Variants in BLNK observed in about 807,000 individuals in gnomAD.
The protein encoded by BLNK is B-cell linker protein.
A neutral mutation model predicts 73.5 loss-of-function variants in BLNK; 29 were observed. The ratio of observed to expected loss-of-function variants is 0.39; its 90% confidence interval spans 0.29 to 0.54. The LOEUF (loss-of-function observed/expected upper bound fraction) is 0.54. Among genes scored for constraint, BLNK ranks in the 20% least tolerant of loss-of-function variants. BLNK has a pLI of 0.61. For synonymous variants in BLNK, 176 were observed against 200.8 expected (o/e 0.88, Z 1.04); for missense variants, 460 against 562.8 (o/e 0.82, Z 1.85).
At chr10:96,219,064 C>A (rs587603384) in intron 6 of BLNK, among the ~76,000 whole-genome samples, 1 of 152,276 alleles carries the variant, frequency 6.6e-6, no homozygotes, top group Non-Finnish European at 1.5e-5. Flanking sequence ...CAGAGGTGGG[C>A]ACTTGCTCCT....
At chr10:96,225,977 C>T (rs1045766785) in intron 5 of BLNK, among the ~76,000 whole-genome samples, 4 of 152,144 alleles carry the variant, frequency 2.6e-5, no homozygotes, top group Admixed American at 2.6e-4. Context: ...CACTTAACCA[C>T]CCTGAATTGC....
At position 96,192,947 on chromosome 10, in the gene BLNK, G is replaced by A. The variant is rs372664252; in HGVS notation, c.1252-855C>T. On this transcript the variant is annotated intron_variant, in intron 16 of 16. Coordinates refer to ENST00000224337, the MANE Select transcript of BLNK (RefSeq NM_013314.4). ...TACTATCAATTGATTTTATTTTCTC[G>A]ATTTTTTAGATAAAGACAAACATCC... 3.3e-5 allele frequency among the ~76,000 whole-genome samples: 5 copies of A among 152,184 alleles called. No homozygotes were observed. In the South Asian group the frequency reaches 6.2e-4, roughly 19 times the overall value.
chr10:96,203,948 G>C, intron 13 of BLNK, 109 bp downstream of exon 13: 1 of 851,766 alleles, frequency 1.2e-6, no homozygotes, highest in Non-Finnish European at 2.0e-6. Context: ...GAAGATGCCA[G>C]GATAACGCAG....
chr10:96,209,993 A>G, intron 8 of BLNK, 86 bp from the exon 9 acceptor site: 1 of 1,401,676 alleles, frequency 7.1e-7, no homozygotes. Context: ...TGGCAGGCTC[A>G]GAAATATTTG....
chr10:96,260,696 A>T (rs952082256), intron 1 of BLNK, among the ~76,000 whole-genome samples: 2 of 152,152 alleles, frequency 1.3e-5, no homozygotes, highest in African/African-American at 4.8e-5. Flanking sequence ...AAAAAGTTTG[A>T]CCCAGTTAAA....
intron 3 of BLNK, among the ~76,000 whole-genome samples, chr10:96,240,125 G>A (rs1842838056): frequency 6.6e-6 from 1 of 152,108 alleles, no homozygotes; most frequent in African/African-American, 2.4e-5. Flanking sequence ...CTCACAGCAG[G>A]TACCATGTTT....
At chr10:96,193,194 A>G (rs1303064625) in intron 16 of BLNK, among the ~76,000 whole-genome samples, 1 of 152,246 alleles carries the variant, frequency 6.6e-6, no homozygotes. Context: ...TCAATCATTC[A>G]GCCATCTTGC....
intron 15 of BLNK, among the ~76,000 whole-genome samples, chr10:96,198,958 C>G (rs587761540): frequency 1.3e-5 from 2 of 152,206 alleles, no homozygotes; most frequent in East Asian, 3.8e-4. Context: ...CTCGGCCCCC[C>G]AAAGTGCTAG....
intron 1 of BLNK, among the ~76,000 whole-genome samples, chr10:96,255,999 A>G (rs1238557861): frequency 3.3e-5 from 5 of 152,222 alleles, no homozygotes; most frequent in African/African-American, 7.2e-5. Flanking sequence ...CTAAATTTTA[A>G]AACAGCTCGA....
intron 1 of BLNK, among the ~76,000 whole-genome samples, chr10:96,249,180 C>T (rs1843174209): frequency 6.6e-6 from 1 of 152,222 alleles, no homozygotes. Flanking sequence ...GATTTCCCCA[C>T]AATCCTGAAA....
rs2083912994 is a variant in BLNK at position 96,210,118 on chromosome 10, G to C, written c.677-211C>G. 4 of 620,512 alleles carry C rather than the reference G, an allele frequency of 6.4e-6. No homozygotes were observed. In the Admixed American group the frequency reaches 6.9e-5, roughly 11 times the overall value. The allele number at this position is 620,512 out of a possible 1,614,324, so 38.4% of individuals were successfully genotyped here. On this transcript the variant is annotated intron_variant, in intron 8 of 16. Transcript: ENST00000224337. ...TTAAAAGTGTCAGTGTATAAGCTCA[G>C]AGCTGGGATGGGGGTTAGGGACTCC... is the stretch of plus-strand genomic sequence containing the variant.
At position 96,190,121 on chromosome 10, in the gene BLNK, C is replaced by A. The variant is rs1345814784; in HGVS notation, c.*1852G>T. ...AACTGGTGCTCATTTTCATCATTATCCACCTTAAAGTGATCATCTTTGTCG... is the reference window on the plus strand; with the variant it reads ...AACTGGTGCTCATTTTCATCATTATACACCTTAAAGTGATCATCTTTGTCG... On this transcript the variant is annotated 3_prime_UTR_variant, in exon 17 of 17. Coordinates refer to ENST00000224337, the MANE Select transcript of BLNK (RefSeq NM_013314.4). The A allele has an allele frequency of 1.0e-6, 1 of 1,000,662 alleles. No homozygotes were observed. The highest frequency in any genetic ancestry group is 1.6e-6 in the Non-Finnish European group (1 of 637,016). The allele number at this position is 1,000,662 out of a possible 1,614,324, so 62.0% of individuals were successfully genotyped here.
At chr10:96,214,972 C>T (rs1343206750) in intron 8 of BLNK, among the ~76,000 whole-genome samples, 1 of 152,144 alleles carries the variant, frequency 6.6e-6, no homozygotes, top group Non-Finnish European at 1.5e-5. Flanking sequence ...CGAGGTCTGT[C>T]TGGCTCAAAA....
rs150495829 is a variant in BLNK at position 96,189,698 on chromosome 10, AATCATCATC to A, written c.*2266_*2274del. ...TTTTCTTCAGTTTCCTCATCATCAA[AATCATCATC>A]ATCATCATCATCATCATCATCATCA... On this transcript the variant is annotated 3_prime_UTR_variant, in exon 17 of 17. Coordinates refer to ENST00000224337, the MANE Select transcript of BLNK (RefSeq NM_013314.4). 43 of 655,556 alleles carry A rather than the reference AATCATCATC, an allele frequency of 6.6e-5. No homozygotes were observed. The highest frequency in any genetic ancestry group is 1.3e-4 in the South Asian group (9 of 68,034). The allele number at this position is 655,556 out of a possible 1,614,324, so 40.6% of individuals were successfully genotyped here. A position where few individuals can be genotyped will look rare whatever the true frequency, so the allele number is the denominator to read the frequency against.
chr10:96,197,044 C>A lies in BLNK; in HGVS notation c.1115G>T (p.Arg372Leu). ...TTTGGAATCATGGCCAGAGCTTTTC[C>A]GAATAAGAAATGATCCATCCTGTTT... ...RSNKDGSFLI[R>L]KSSGHDSKQP... The change falls in exon 16 of 17, where the codon CGG (arginine) becomes CTG (leucine). Residue 372 changes from arginine to leucine, a missense_variant. Transcript: ENST00000224337. 6.2e-7 allele frequency: 1 copy of A among 1,612,176 alleles called. No homozygotes were observed. Among genetic ancestry groups the A allele is most frequent in the South Asian group, 1.1e-5 (1 of 90,792 alleles).
At chr10:96,197,650 CAG>C (rs2083503245) in intron 15 of BLNK, among the ~76,000 whole-genome samples, 1 of 151,904 alleles carries the variant, frequency 6.6e-6, no homozygotes, top group Non-Finnish European at 1.5e-5. Flanking sequence ...AAGAAGAAAA[CAG>C]AGGTTGGGAA....
chr10:96,269,626 A>G (rs73318874), intron 1 of BLNK, among the ~76,000 whole-genome samples: 8,525 of 151,786 alleles, frequency 0.056, 742 homozygotes, highest in African/African-American at 0.18. Context: ...TCCCACTCCA[A>G]CGCATCCTAC....
intron 5 of BLNK, 55 bp downstream of exon 5, chr10:96,227,355 C>T (rs1403680967): frequency 3.3e-5 from 52 of 1,597,802 alleles, no homozygotes; most frequent in Non-Finnish European, 4.4e-5. Context: ...CTTGGACACC[C>T]CCACCTCCCC....
intron 8 of BLNK, among the ~76,000 whole-genome samples, chr10:96,211,014 G>A (rs1005029850): frequency 6.6e-6 from 1 of 151,834 alleles, no homozygotes; most frequent in Non-Finnish European, 1.5e-5. Context: ...TGGGACTACA[G>A]GCATGCACCA....
Sources: gnomAD v4.1 joint callset for allele counts (sites outside exome capture counted in the v4.1 genomes callset) on GRCh38, gnomAD v4.1.1 for gene constraint, MANE v1.5 for transcripts, NCBI Gene and HGNC (gene_info 2026-07-23, HGNC 2026-07-21) for gene names.